Variants in RHOBTB1 observed in about 807,000 individuals in gnomAD.
RHOBTB1 encodes the protein rho-related BTB domain-containing protein 1.
In RHOBTB1, 40 loss-of-function variants were observed where a neutral mutation model predicts 71.6. The ratio of observed to expected loss-of-function variants is 0.56; its 90% confidence interval spans 0.43 to 0.73. The LOEUF (loss-of-function observed/expected upper bound fraction) is 0.73. Among genes scored for constraint, RHOBTB1 ranks in the 30% least tolerant of loss-of-function variants. RHOBTB1 has a pLI of 0.00. For missense variants in RHOBTB1, 797 were observed against 894.0 expected (o/e 0.89, Z 1.38); for synonymous variants, 319 against 334.9 (o/e 0.95, Z 0.52).
intron 2 of RHOBTB1, among the ~76,000 whole-genome samples, chr10:60,978,679 A>G (rs1393111825): frequency 6.6e-6 from 1 of 152,142 alleles, no homozygotes; most frequent in Non-Finnish European, 1.5e-5. Context: ...GCATCCAGAA[A>G]TGTCATTCGA....
At chr10:60,957,833 C>G (rs1428228325) in intron 2 of RHOBTB1, among the ~76,000 whole-genome samples, 1 of 152,200 alleles carries the variant, frequency 6.6e-6, no homozygotes, top group East Asian at 1.9e-4. Flanking sequence ...ACCATTCCCA[C>G]TGTACGGACA....
chr10:61,001,237 T>C (rs1420364095), intron 1 of RHOBTB1, among the ~76,000 whole-genome samples: 1 of 152,112 alleles, frequency 6.6e-6, no homozygotes, highest in Non-Finnish European at 1.5e-5. Context: ...GTCACCCTCC[T>C]TTCAAGGGTG....
Position 60,897,554 on chromosome 10 carries a change from G to A in RHOBTB1, c.297-4559C>T, listed in dbSNP as rs115857245. On this transcript the variant is annotated intron_variant, in intron 4 of 10. Transcript: ENST00000337910. The stretch of plus-strand genomic sequence containing the variant: ...AAGCTTCAGATCAGGTAAATTTTAC[G>A]GGCAATGAGAAGGACAGTGGACTCC... Among the ~76,000 whole-genome samples, 455 of 152,108 alleles carry A rather than the reference G, an allele frequency of 3.0e-3. 2 individuals are homozygous for A. The highest frequency in any genetic ancestry group is 0.01 in the African/African-American group (428 of 41,494).
At chr10:60,932,355 A>G (rs1441804004) in intron 2 of RHOBTB1, among the ~76,000 whole-genome samples, 1 of 151,950 alleles carries the variant, frequency 6.6e-6, no homozygotes, top group Non-Finnish European at 1.5e-5. Flanking sequence ...CTGAGGGTGG[A>G]GTGGGGTGGT....
chr10:60,892,309 A>G (rs560590500), intron 5 of RHOBTB1, among the ~76,000 whole-genome samples: 1 of 152,302 alleles, frequency 6.6e-6, no homozygotes, highest in South Asian at 2.1e-4. Flanking sequence ...GGTCCGAATG[A>G]TTTTCAAAAA....
intron 9 of RHOBTB1, among the ~76,000 whole-genome samples, chr10:60,872,920 C>T (rs1286311728): frequency 6.6e-6 from 1 of 152,140 alleles, no homozygotes; most frequent in Admixed American, 6.5e-5. Context: ...CTCCCCCATT[C>T]CCTCCCCAGA....
Position 60,913,977 on chromosome 10 carries a change from A to T in RHOBTB1, c.-10-2425T>A, listed in dbSNP as rs575733735. The stretch of plus-strand genomic sequence containing the variant: ...ACTGATGGTTTCAAAAATTATAATC[A>T]TGATGCTGAAGACGAATGTCTTCAG... On this transcript the variant is annotated intron_variant, in intron 2 of 10. Coordinates refer to ENST00000337910, the MANE Select transcript of RHOBTB1 (RefSeq NM_014836.5). Among the ~76,000 whole-genome samples, 3 of 152,332 alleles carry T rather than the reference A, an allele frequency of 2.0e-5. No homozygotes were observed. The East Asian group carries it at 5.8e-4, about 29-fold the overall frequency.
At chr10:60,961,552 A>G (rs759582928) in intron 2 of RHOBTB1, among the ~76,000 whole-genome samples, 9 of 152,174 alleles carry the variant, frequency 5.9e-5, no homozygotes, top group Non-Finnish European at 1.3e-4. Context: ...ATGGATCTAG[A>G]TTCAGAATGA....
At chr10:60,966,969 T>G (rs546289954) in intron 2 of RHOBTB1, among the ~76,000 whole-genome samples, 10 of 152,008 alleles carry the variant, frequency 6.6e-5, no homozygotes, top group African/African-American at 2.4e-4. Flanking sequence ...ACAAAGTTCT[T>G]GGGGAGAAAT....
intron 2 of RHOBTB1, among the ~76,000 whole-genome samples, chr10:60,929,256 AT>A (rs1374760870): frequency 6.6e-6 from 1 of 152,222 alleles, no homozygotes; most frequent in Non-Finnish European, 1.5e-5. Context: ...TTGTAGCAAA[AT>A]ATCACATGTA....
At chr10:60,909,848 C>T (rs1483206328) in intron 4 of RHOBTB1, among the ~76,000 whole-genome samples, 1 of 152,300 alleles carries the variant, frequency 6.6e-6, no homozygotes, top group Admixed American at 6.5e-5. Context: ...GTCACAGATT[C>T]TTTCAGTGTG....
intron 1 of RHOBTB1, among the ~76,000 whole-genome samples, chr10:61,000,926 A>C (rs1011327243): frequency 1.3e-5 from 2 of 152,206 alleles, no homozygotes; most frequent in African/African-American, 4.8e-5. Context: ...GAGGAGCTGC[A>C]GATGCTGCGC....
rs948129622 is a variant in RHOBTB1, at chr10:60,874,979, A to G, written c.1790T>C (p.Val597Ala). ...CTGAGCCAATTCCAAGTAAGAGAGC[A>G]CTTCTCCGTCAATGCCCACGCCACT... ...ATSGVGIDGEVLSYLELAQFH... is the reference protein window; with the variant it reads ...ATSGVGIDGEALSYLELAQFH... Residue 597 changes from valine to alanine, a missense_variant, in exon 9 of 11, where the codon GTG becomes GCG. By Grantham distance (64) the Val-to-Ala change is moderately conservative. Around this residue, in one of 2 missense-constraint regions of RHOBTB1, gnomAD observed 658 missense variants for 681.5 expected, o/e 0.97. Coordinates refer to ENST00000337910, the MANE Select transcript of RHOBTB1 (RefSeq NM_014836.5). 2 of 1,613,894 alleles carry G rather than the reference A, an allele frequency of 1.2e-6. No homozygotes were observed. The highest frequency in any genetic ancestry group is 1.3e-5 in the African/African-American group (1 of 74,934).
At chr10:60,940,318 A>C (rs958845244) in intron 2 of RHOBTB1, among the ~76,000 whole-genome samples, 1 of 152,216 alleles carries the variant, frequency 6.6e-6, no homozygotes, top group African/African-American at 2.4e-5. Context: ...GCTAAGAAGG[A>C]TTAACAACTG....
chr10:60,968,989 T>A (rs865787435), intron 2 of RHOBTB1, among the ~76,000 whole-genome samples: 2 of 152,088 alleles, frequency 1.3e-5, no homozygotes, highest in East Asian at 1.9e-4. Context: ...CAATATTTTT[T>A]AAAAATCAGG....
intron 5 of RHOBTB1, 52 bp from the exon 6 acceptor site, chr10:60,889,237 C>T (rs2081789593): frequency 1.3e-6 from 2 of 1,523,464 alleles, no homozygotes; most frequent in African/African-American, 1.4e-5. Flanking sequence ...AGGAAAAAAA[C>T]AGTAACAAGG....
At chr10:60,947,748 T>C (rs780276552), upstream of RHOBTB1, among the ~76,000 whole-genome samples, 3 of 152,212 alleles carry the variant, frequency 2.0e-5, no homozygotes, top group Non-Finnish European at 2.9e-5. Flanking sequence ...ATTTGAGTAG[T>C]TTCCAGTATT....
chr10:60,886,871 T>C (rs1490678284), intron 6 of RHOBTB1, among the ~76,000 whole-genome samples: 6 of 151,866 alleles, frequency 4.0e-5, no homozygotes, highest in Non-Finnish European at 7.4e-5. Context: ...TTTGTGTATG[T>C]GTATAGACTT....
At chr10:60,961,617 T>C (rs1269916725) in intron 2 of RHOBTB1, among the ~76,000 whole-genome samples, 2 of 151,894 alleles carry the variant, frequency 1.3e-5, no homozygotes, top group East Asian at 3.9e-4. Context: ...CTTGAGAAGC[T>C]CCCCCATCCT....
Sources: allele counts gnomAD v4.1 joint callset (sites outside exome capture counted in the v4.1 genomes callset), GRCh38; gene constraint gnomAD v4.1.1; regional missense constraint gnomAD v4.1.1; transcripts MANE v1.5; gene names NCBI Gene and HGNC (gene_info 2026-07-23, HGNC 2026-07-21).